Variants in RBPJ observed in about 807,000 individuals in gnomAD.
RBPJ encodes recombining binding protein suppressor of hairless.
A neutral mutation model predicts 67.8 loss-of-function variants in RBPJ; 9 were observed. That is an observed-to-expected ratio of 0.13 (90% CI 0.08 to 0.23). RBPJ has a LOEUF of 0.23. Among genes scored for constraint, RBPJ ranks in the 10% least tolerant of loss-of-function variants. RBPJ has a pLI of 1.00. For synonymous variants in RBPJ, 198 were observed against 203.3 expected (o/e 0.97, Z 0.22); for missense variants, 305 against 595.6 (o/e 0.51, Z 5.08).
chr4:26,310,870 A>G (rs1722408493), intron 1 of RBPJ, among the ~76,000 whole-genome samples: 2 of 152,098 alleles, frequency 1.3e-5, no homozygotes, highest in Admixed American at 6.5e-5. Flanking sequence ...GGGTTTCCCC[A>G]TGTTGGCCAG....
intron 1 of RBPJ, among the ~76,000 whole-genome samples, chr4:26,206,953 T>G (rs1011353029): frequency 2.6e-5 from 4 of 152,084 alleles, no homozygotes; most frequent in African/African-American, 9.7e-5. Context: ...TGAACTCCAG[T>G]TGCACAGGTA....
At chr4:26,423,761 ATACTT>A (rs796258630) in intron 5 of RBPJ, among the ~76,000 whole-genome samples, 12 of 152,366 alleles carry the variant, frequency 7.9e-5, no homozygotes, top group African/African-American at 2.2e-4. Context: ...ATTTCATACA[ATACTT>A]TATTTAGAAG....
intron 1 of RBPJ, among the ~76,000 whole-genome samples, chr4:26,181,904 A>G (rs1717012379): frequency 6.6e-6 from 1 of 152,266 alleles, no homozygotes; most frequent in African/African-American, 2.4e-5. Flanking sequence ...GTGAAGGCCT[A>G]GGACATTACT....
At chr4:26,280,072 C>T (rs1003691656) in intron 1 of RBPJ, among the ~76,000 whole-genome samples, 2 of 150,870 alleles carry the variant, frequency 1.3e-5, no homozygotes, top group South Asian at 4.2e-4. Flanking sequence ...CAGGCATGAG[C>T]CACCGTGCCC....
intron 1 of RBPJ, among the ~76,000 whole-genome samples, chr4:26,265,893 C>T (rs953038822): frequency 1.3e-5 from 2 of 151,990 alleles, no homozygotes; most frequent in African/African-American, 2.4e-5. Context: ...AAAAATTAGC[C>T]GGGCCTGGTG....
chr4:26,363,680 C>A (rs1728313894), intron 1 of RBPJ, among the ~76,000 whole-genome samples: 1 of 152,202 alleles, frequency 6.6e-6, no homozygotes, highest in Non-Finnish European at 1.5e-5. Context: ...CTCAGGTGAT[C>A]TGCCTGCCTC....
chr4:26,296,352 C>T (rs1352416900), intron 1 of RBPJ, among the ~76,000 whole-genome samples: 1 of 152,134 alleles, frequency 6.6e-6, no homozygotes, highest in Non-Finnish European at 1.5e-5. Context: ...TAAAACTCTG[C>T]TGTTGAATGT....
At chr4:26,286,976 G>T (rs999940413) in intron 1 of RBPJ, among the ~76,000 whole-genome samples, 1 of 151,872 alleles carries the variant, frequency 6.6e-6, no homozygotes, top group African/African-American at 2.4e-5. Flanking sequence ...TCATATAGAC[G>T]GGGTTTCTCC....
chr4:26,124,447 T>C, the RBPJ span, among the ~76,000 whole-genome samples: 1 of 131,496 alleles, frequency 7.6e-6, no homozygotes, highest in Non-Finnish European at 1.6e-5. Context: ...TATATATATA[T>C]ATATATATAT....
chr4:26,169,290 G>A lies in RBPJ; in HGVS notation c.-167+5676G>A, dbSNP rs1049546413. On this transcript the variant is annotated intron_variant, in intron 1 of 4. Transcript: ENST00000512351. ...CTGTTTGTTAGTTTTCCTTCTAACA[G>A]ACAGGACCCTCAGCTGCAGGTCTGT... is the stretch of plus-strand genomic sequence containing the variant. Among the ~76,000 whole-genome samples the A allele has an allele frequency of 7.2e-5, 11 of 152,220 alleles. No homozygotes were observed. The South Asian group carries it at 2.3e-3, about 32-fold the overall frequency.
At chr4:26,362,689 C>T in intron 1 of RBPJ, 1 of 1,332,618 alleles carries the variant, frequency 7.5e-7, no homozygotes, top group Non-Finnish European at 1.1e-6. Flanking sequence ...ACTCATGATT[C>T]TGTATTTAGT....
chr4:26,416,525 C>T (rs1241110267), intron 4 of RBPJ, among the ~76,000 whole-genome samples: 1 of 152,184 alleles, frequency 6.6e-6, no homozygotes, highest in Non-Finnish European at 1.5e-5. Context: ...CCACCGTGTC[C>T]AGCCAATCTA....
At chr4:26,169,421 T>C (rs1431516944) in intron 1 of RBPJ, among the ~76,000 whole-genome samples, 1 of 152,248 alleles carries the variant, frequency 6.6e-6, no homozygotes, top group Non-Finnish European at 1.5e-5. Flanking sequence ...TGTCTGATCG[T>C]TCCTCTGGAA....
chr4:26,409,194 C>T (rs1393668168), intron 3 of RBPJ, among the ~76,000 whole-genome samples: 3 of 152,106 alleles, frequency 2.0e-5, no homozygotes, highest in Admixed American at 1.3e-4. Flanking sequence ...AACTGAGGCC[C>T]GTTGGAGATA....
chr4:26,244,181 A>G (rs7679794), intron 1 of RBPJ, among the ~76,000 whole-genome samples: 18,850 of 121,446 alleles, frequency 0.16, 1,784 homozygotes, highest in Non-Finnish European at 0.18. Flanking sequence ...ATACACATAT[A>G]TGTATACATA....
At chr4:26,339,538 G>T (rs1190157264) in intron 1 of RBPJ, among the ~76,000 whole-genome samples, 1 of 152,182 alleles carries the variant, frequency 6.6e-6, no homozygotes, top group Non-Finnish European at 1.5e-5. Context: ...GGATGCTGAG[G>T]CAGGAGAATC....
chr4:26,295,765 A>C (rs1721855365), intron 1 of RBPJ, among the ~76,000 whole-genome samples: 1 of 152,188 alleles, frequency 6.6e-6, no homozygotes, highest in Admixed American at 6.5e-5. Context: ...TCAGCCACTC[A>C]GTGTGGGCTG....
At chr4:26,127,552 G>T in the RBPJ span, among the ~76,000 whole-genome samples, 1 of 152,226 alleles carries the variant, frequency 6.6e-6, no homozygotes, top group Admixed American at 6.5e-5. Flanking sequence ...CAATTGTAAT[G>T]TGGTACAGAG....
intron 1 of RBPJ, among the ~76,000 whole-genome samples, chr4:26,305,794 T>C (rs1250614242): frequency 2.1e-5 from 3 of 145,168 alleles, no homozygotes; most frequent in South Asian, 4.3e-4. Flanking sequence ...TTTTTTTTTT[T>C]CTGAGACTGA....
Sources: allele counts gnomAD v4.1 joint callset (sites outside exome capture counted in the v4.1 genomes callset), GRCh38; gene constraint gnomAD v4.1.1; transcripts MANE v1.5; gene names NCBI Gene and HGNC (gene_info 2026-07-23, HGNC 2026-07-21).